The following PDCD6IP variants were observed in gnomAD, a reference collection of about 807,000 sequenced individuals.
PDCD6IP encodes the protein programmed cell death 6 interacting protein.
PDCD6IP carries 43 observed loss-of-function variants against 103.7 expected under a neutral mutation model. The ratio of observed to expected loss-of-function variants is 0.41; its 90% CI spans 0.32 to 0.53. The LOEUF (loss-of-function observed/expected upper bound fraction) is 0.53. Ranked by LOEUF, PDCD6IP falls within the 20% of genes least tolerant of loss-of-function variation. The probability of loss-of-function intolerance (pLI) is 0.16; values close to 1 mark genes in which losing one functional copy is unlikely to be tolerated. For synonymous variants in PDCD6IP, 354 were observed against 378.7 expected (o/e 0.93, Z 0.76); for missense variants, 871 against 1,036.7 (o/e 0.84, Z 2.20).
At chr3:33,852,418 A>G in intron 12 of PDCD6IP, 70 bp from the exon 13 acceptor site, 1 of 1,423,244 alleles carries the variant, frequency 7.0e-7, no homozygotes, top group Non-Finnish European at 9.1e-7. Context: ...TTTATATATT[A>G]TTTCCTTCTC....
At chr3:33,826,983 C>T (rs896061439) in intron 6 of PDCD6IP, 90 of 989,758 alleles carry the variant, frequency 9.1e-5, no homozygotes, top group East Asian at 1.1e-4. Flanking sequence ...AGCCTTAAAG[C>T]GCAAAAACAG....
chr3:33,837,875 A>C (rs570318679), intron 8 of PDCD6IP, among the ~76,000 whole-genome samples: 1 of 152,350 alleles, frequency 6.6e-6, no homozygotes, highest in Admixed American at 6.5e-5. Context: ...GGCCTTAGCC[A>C]CTGCTCCCGG....
intron 9 of PDCD6IP, among the ~76,000 whole-genome samples, chr3:33,840,198 T>G (rs1178143165): frequency 6.6e-6 from 1 of 152,142 alleles, no homozygotes; most frequent in Non-Finnish European, 1.5e-5. Flanking sequence ...TATATTCTTA[T>G]AATAAATAAG....
intron 7 of PDCD6IP, among the ~76,000 whole-genome samples, chr3:33,831,719 G>T (rs1421132241): frequency 6.6e-6 from 1 of 150,546 alleles, no homozygotes; most frequent in Non-Finnish European, 1.5e-5. Context: ...TTAATTTCTT[G>T]TTTTTTTTCT....
intron 15 of PDCD6IP, among the ~76,000 whole-genome samples, chr3:33,863,408 T>C (rs1189797906): frequency 6.6e-6 from 1 of 152,198 alleles, no homozygotes; most frequent in African/African-American, 2.4e-5. Flanking sequence ...GTACCTATTA[T>C]CCACCCTCTC....
At chr3:33,820,136 T>A (rs1369358608) in intron 3 of PDCD6IP, among the ~76,000 whole-genome samples, 1 of 152,074 alleles carries the variant, frequency 6.6e-6, no homozygotes, top group Non-Finnish European at 1.5e-5. Context: ...ATACAAAAAT[T>A]AGCCGGGTAT....
At chr3:33,805,434 T>G (rs1250620151) in intron 1 of PDCD6IP, among the ~76,000 whole-genome samples, 1 of 152,046 alleles carries the variant, frequency 6.6e-6, no homozygotes, top group African/African-American at 2.4e-5. Context: ...TTTAACATTT[T>G]TGTTTTTTTA....
chr3:33,862,865 G>A (rs985544912), intron 15 of PDCD6IP, among the ~76,000 whole-genome samples: 1 of 152,050 alleles, frequency 6.6e-6, no homozygotes, highest in African/African-American at 2.4e-5. Context: ...TTTATTAGAG[G>A]GTGGGCAGTC....
At position 33,859,719 on chromosome 3, in the gene PDCD6IP, C is replaced by G. The variant is rs562368207; in HGVS notation, c.2121-4287C>G. Among the ~76,000 whole-genome samples the G allele has an allele frequency of 3.3e-4, 50 of 152,200 alleles. 1 individual carries two copies. The highest frequency in any genetic ancestry group is 6.8e-3 in the Middle Eastern group (2 of 294). On this transcript the variant is annotated intron_variant, in intron 15 of 17. Transcript: ENST00000307296. ...TGGAGAAATAGATTTCATACATTGCCGTGAGAATACCCAATGGTGCAATCC... is the reference window on the plus strand; with the variant it reads ...TGGAGAAATAGATTTCATACATTGCGGTGAGAATACCCAATGGTGCAATCC...
chr3:33,801,337 G>A (rs905369108), intron 1 of PDCD6IP, among the ~76,000 whole-genome samples: 4 of 152,096 alleles, frequency 2.6e-5, no homozygotes, highest in African/African-American at 9.7e-5. Context: ...GAAAAACAGA[G>A]TTTAAACTAA....
intron 12 of PDCD6IP, among the ~76,000 whole-genome samples, chr3:33,846,190 T>G (rs1207300043): frequency 2.6e-5 from 4 of 152,150 alleles, no homozygotes. Flanking sequence ...AGGTCCCAAA[T>G]CTCTGCACAG....
intron 4 of PDCD6IP, among the ~76,000 whole-genome samples, chr3:33,824,840 G>A (rs114696228): frequency 0.015 from 2,300 of 152,198 alleles, 53 homozygotes; most frequent in African/African-American, 0.053. Context: ...CAAAGCAAGA[G>A]CATTGCAGTA....
chr3:33,803,306 G>A (rs889149157), intron 1 of PDCD6IP, among the ~76,000 whole-genome samples: 4 of 152,080 alleles, frequency 2.6e-5, no homozygotes, highest in South Asian at 2.1e-4. Flanking sequence ...TTGCTAATAC[G>A]TACTGATTAA....
intron 6 of PDCD6IP, chr3:33,828,553 G>T: frequency 5.2e-6 from 1 of 193,460 alleles, no homozygotes; most frequent in Non-Finnish European, 1.1e-5. Flanking sequence ...TTTTCTTTTT[G>T]TAAACAAAAT....
At chr3:33,850,777 T>C (rs564103405) in intron 12 of PDCD6IP, among the ~76,000 whole-genome samples, 12 of 152,050 alleles carry the variant, frequency 7.9e-5, no homozygotes, top group Non-Finnish European at 1.2e-4. Flanking sequence ...GTATGATTCT[T>C]TCTCCTCCTC....
chr3:33,826,633 AC>A (rs1697132167), intron 6 of PDCD6IP, 53 bp downstream of exon 6: 1 of 1,602,066 alleles, frequency 6.2e-7, no homozygotes, highest in Admixed American at 1.7e-5. Context: ...AAATATTTAG[AC>A]TTTTTTGTGT....
chr3:33,858,617 T>C (rs1423941707), intron 15 of PDCD6IP, among the ~76,000 whole-genome samples: 1 of 152,162 alleles, frequency 6.6e-6, no homozygotes, highest in East Asian at 1.9e-4. Flanking sequence ...GAGACCATCC[T>C]GGCTAACACG....
At chr3:33,855,334 G>A (rs774900691) in intron 15 of PDCD6IP, 74 bp downstream of exon 15, 14 of 881,532 alleles carry the variant, frequency 1.6e-5, no homozygotes, top group Non-Finnish European at 2.4e-5. Context: ...CTTTTGGTAT[G>A]AACTTGGTAG....
chr3:33,857,757 TAGATAGA>T (rs747520432), intron 15 of PDCD6IP, among the ~76,000 whole-genome samples: 34 of 152,254 alleles, frequency 2.2e-4, no homozygotes, highest in East Asian at 1.5e-3. Context: ...AAAATAAGAA[TAGATAGA>T]AGATAGATGC....
Sources: allele counts gnomAD v4.1 joint callset (sites outside exome capture counted in the v4.1 genomes callset), GRCh38; gene constraint gnomAD v4.1.1; transcripts MANE v1.5; gene names NCBI Gene and HGNC (gene_info 2026-07-23, HGNC 2026-07-21).